LRFN5: variants seen among roughly 807,000 people sequenced by gnomAD.
LRFN5 encodes the protein leucine-rich repeat and fibronectin type-III domain-containing protein 5.
A neutral mutation model predicts 45.6 loss-of-function variants in LRFN5; 24 were observed. The observed-to-expected ratio is 0.53, with a 90% CI of 0.38 to 0.74. The LOEUF (loss-of-function observed/expected upper bound fraction) is 0.74, where lower values mean the gene tolerates loss of function less well. Ranked by LOEUF, LRFN5 falls within the 30% of genes least tolerant of loss-of-function variation. The probability of loss-of-function intolerance (pLI) is 0.00; values close to 1 mark genes in which losing one functional copy is unlikely to be tolerated. For synonymous variants in LRFN5, 340 were observed against 313.8 expected, an observed-to-expected ratio of 1.08 and a Z score of -0.88; for missense variants, 776 against 861.5, an observed-to-expected ratio of 0.90 and a Z score of 1.24.
At chr14:41,734,316 TTATATA>T (rs60855395) in intron 1 of LRFN5, among the ~76,000 whole-genome samples, 6,063 of 38,792 alleles carry the variant, frequency 0.16, 1,070 homozygotes, top group African/African-American at 0.24. Flanking sequence ...TGGACTGGTT[TTATATA>T]TATATATATA....
At chr14:41,795,238 CA>C (rs1244603263) in intron 2 of LRFN5, among the ~76,000 whole-genome samples, 2 of 152,146 alleles carry the variant, frequency 1.3e-5, no homozygotes, top group East Asian at 3.9e-4. Flanking sequence ...TACCATCTCA[CA>C]CCAGTTAGAA....
chr14:41,751,220 A>G (rs544079522), intron 1 of LRFN5, among the ~76,000 whole-genome samples: 20 of 152,288 alleles, frequency 1.3e-4, no homozygotes, highest in African/African-American at 4.6e-4. Context: ...ACAGGGAGCC[A>G]AACCATTTCA....
At chr14:41,772,738 C>T (rs527238788) in intron 2 of LRFN5, among the ~76,000 whole-genome samples, 1 of 152,248 alleles carries the variant, frequency 6.6e-6, no homozygotes, top group South Asian at 2.1e-4. Context: ...ATACATTCTT[C>T]TGGTGTTCTT....
chr14:41,844,219 C>T (rs909939150), intron 2 of LRFN5, among the ~76,000 whole-genome samples: 7 of 152,066 alleles, frequency 4.6e-5, no homozygotes, highest in African/African-American at 7.2e-5. Context: ...GGGCGGATCA[C>T]GAGGTCAGGA....
chr14:41,822,096 C>T (rs1688284904), intron 2 of LRFN5, among the ~76,000 whole-genome samples: 1 of 151,646 alleles, frequency 6.6e-6, no homozygotes. Flanking sequence ...ATTTGTTTAT[C>T]TTTTTAAGTA....
At chr14:41,783,267 T>C (rs903501778) in intron 2 of LRFN5, among the ~76,000 whole-genome samples, 10 of 152,120 alleles carry the variant, frequency 6.6e-5, no homozygotes, top group African/African-American at 1.9e-4. Flanking sequence ...TCACTCTCAC[T>C]CTCAGCCTTC....
chr14:41,893,002 C>T (rs1049820039), intron 4 of LRFN5: 124 of 984,550 alleles, frequency 1.3e-4, no homozygotes, highest in Non-Finnish European at 1.5e-4. Context: ...AATTTAAAAA[C>T]TTCTAATGGT....
chr14:41,648,648 CA>C (rs1879937635), intron 1 of LRFN5, among the ~76,000 whole-genome samples: 1 of 151,990 alleles, frequency 6.6e-6, no homozygotes, highest in African/African-American at 2.4e-5. Context: ...ATGGCATTAA[CA>C]AATCTCTTGC....
intron 1 of LRFN5, among the ~76,000 whole-genome samples, chr14:41,658,316 T>C (rs1566607160): frequency 6.6e-6 from 1 of 152,002 alleles, no homozygotes; most frequent in Non-Finnish European, 1.5e-5. Flanking sequence ...AATTAAGCTA[T>C]AATTTTACTT....
rs1889634160 is a variant in LRFN5 at position 41,860,797 on chromosome 14, C to T, written c.-20-25809C>T. Among the ~76,000 whole-genome samples the T allele has an allele frequency of 3.3e-5, 5 of 152,270 alleles. No individual in the cohort carries two copies. In the South Asian group the frequency reaches 1.0e-3, roughly 32 times the overall value. On this transcript the variant is annotated intron_variant, in intron 2 of 5. Transcript: ENST00000298119. The stretch of plus-strand genomic sequence containing the variant: ...CCCTGGAGTGCCAGAGGCAGTTCTG[C>T]AGACATAGGACTTCTTTAGCAGATG...
intron 2 of LRFN5, among the ~76,000 whole-genome samples, chr14:41,808,519 AAGGGAGGGATGG>A (rs796602644): frequency 1.8e-5 from 2 of 109,562 alleles, no homozygotes; most frequent in Non-Finnish European, 3.5e-5. Flanking sequence ...GGGAGGAAGG[AAGGGAGGGATGG>A]AGGAAGGAAG....
intron 1 of LRFN5, among the ~76,000 whole-genome samples, chr14:41,732,650 A>G (rs1350793885): frequency 6.6e-6 from 1 of 152,102 alleles, no homozygotes; most frequent in East Asian, 1.9e-4. Context: ...CTAATATTCT[A>G]GGGTTATTAT....
At chr14:41,769,498 A>G (rs1428402470) in intron 2 of LRFN5, among the ~76,000 whole-genome samples, 2 of 152,164 alleles carry the variant, frequency 1.3e-5, no homozygotes, top group Non-Finnish European at 2.9e-5. Context: ...GTGTGTATTT[A>G]TGTGCATGTA....
intron 1 of LRFN5, among the ~76,000 whole-genome samples, chr14:41,720,127 C>A (rs1336947013): frequency 2.0e-5 from 3 of 152,014 alleles, no homozygotes; most frequent in Non-Finnish European, 4.4e-5. Context: ...CCATCCCTTT[C>A]ATTCTAGTAG....
At chr14:41,765,804 A>G (rs1174052029) in intron 1 of LRFN5, among the ~76,000 whole-genome samples, 1 of 152,190 alleles carries the variant, frequency 6.6e-6, no homozygotes, top group Non-Finnish European at 1.5e-5. Context: ...TTGCACAAGT[A>G]ATCTGTGCCT....
At chr14:41,737,492 T>C (rs1421056640) in intron 1 of LRFN5, among the ~76,000 whole-genome samples, 1 of 152,080 alleles carries the variant, frequency 6.6e-6, no homozygotes, top group South Asian at 2.1e-4. Context: ...GTATTGGAAG[T>C]TCGGAGCAGG....
chr14:41,848,515 A>G (rs1221305549), intron 2 of LRFN5, among the ~76,000 whole-genome samples: 2 of 151,790 alleles, frequency 1.3e-5, no homozygotes, highest in African/African-American at 4.8e-5. Flanking sequence ...TATTCGTCAG[A>G]AGTAGGAGTT....
At chr14:41,641,893 C>T (rs1315251800) in intron 1 of LRFN5, among the ~76,000 whole-genome samples, 5 of 152,128 alleles carry the variant, frequency 3.3e-5, no homozygotes, top group African/African-American at 1.2e-4. Flanking sequence ...ATGAGTGCAT[C>T]AGCATAAAAG....
intron 1 of LRFN5, among the ~76,000 whole-genome samples, chr14:41,608,907 C>G (rs1273114537): frequency 6.6e-6 from 1 of 152,114 alleles, no homozygotes; most frequent in East Asian, 1.9e-4. Context: ...CATTTGGTAC[C>G]CAACCCTTTC....
Sources: gnomAD v4.1 joint callset for allele counts (sites outside exome capture counted in the v4.1 genomes callset) on GRCh38, gnomAD v4.1.1 for gene constraint, MANE v1.5 for transcripts, NCBI Gene and HGNC (gene_info 2026-07-23, HGNC 2026-07-21) for gene names.